Variants in TMEM123 observed in about 807,000 individuals in gnomAD.
TMEM123 encodes the protein porimin.
Under a neutral mutation model 19.7 loss-of-function variants are expected in TMEM123, and 16 were observed. The observed-to-expected ratio is 0.81, with a 90% CI of 0.55 to 1.23. The LOEUF (loss-of-function observed/expected upper bound fraction) is 1.23, where lower values mean the gene tolerates loss of function less well. Among genes scored for constraint, TMEM123 ranks in the 50% most tolerant of loss-of-function variants. The pLI, the probability that TMEM123 is intolerant of heterozygous loss-of-function variation, is 0.00. For missense variants in TMEM123, 313 were observed against 257.8 expected (o/e 1.21, Z -1.47); for synonymous variants, 118 against 99.4 (o/e 1.19, Z -1.12).
intron 2 of TMEM123, among the ~76,000 whole-genome samples, chr11:102,419,784 G>A (rs1347732409): frequency 2.0e-5 from 3 of 152,130 alleles, no homozygotes; most frequent in Non-Finnish European, 2.9e-5. Flanking sequence ...AGATGGGGTG[G>A]GTAGTTCTGC....
intron 2 of TMEM123, among the ~76,000 whole-genome samples, chr11:102,441,249 C>T (rs1323303225): frequency 6.6e-6 from 1 of 152,208 alleles, no homozygotes; most frequent in Non-Finnish European, 1.5e-5. Flanking sequence ...ACATTCTTCT[C>T]AGCACCACAT....
intron 2 of TMEM123, among the ~76,000 whole-genome samples, chr11:102,444,146 T>C (rs1486875243): frequency 1.3e-5 from 2 of 152,196 alleles, no homozygotes; most frequent in African/African-American, 4.8e-5. Flanking sequence ...TGGCGATTCC[T>C]CAAGGATCCA....
Position 102,401,689 on chromosome 11 carries a change from GT to G in TMEM123, c.451del (p.Thr151GlnfsTer25). On this transcript the variant is annotated frameshift_variant and splice_region_variant, in exon 4 of 5. Transcript: ENST00000398136. LOFTEE classifies it high-confidence loss of function. ...VTSAASSVTI[T>X]TTMHSEAKKG... ...CTTTGCTTCAGAATGCATAGTTGTTGTGACTAGAACAAAAGAAAACAAAAAA... is the reference window on the plus strand; with the variant it reads ...CTTTGCTTCAGAATGCATAGTTGTTGGACTAGAACAAAAGAAAACAAAAAA... 1 of 1,582,896 alleles carries G rather than the reference GT, an allele frequency of 6.3e-7. No individual in the cohort carries two copies. The highest frequency in any genetic ancestry group is 8.5e-7 in the Non-Finnish European group (1 of 1,172,640).
intron 2 of TMEM123, among the ~76,000 whole-genome samples, chr11:102,445,430 T>C (rs1000540183): frequency 6.6e-6 from 1 of 152,222 alleles, no homozygotes; most frequent in Non-Finnish European, 1.5e-5. Context: ...GTATCACCAT[T>C]TGCAACTAAA....
chr11:102,419,239 G>A (rs931874094), intron 2 of TMEM123, among the ~76,000 whole-genome samples: 1 of 152,176 alleles, frequency 6.6e-6, no homozygotes, highest in African/African-American at 2.4e-5. Flanking sequence ...GGTACACGTT[G>A]TACTAAAAAC....
rs767854545 is a variant in TMEM123 at position 102,402,038 on chromosome 11, G to C, written c.326C>G (p.Ser109Cys). Residue 109 changes from serine to cysteine, a missense_variant, in exon 3 of 5, where the codon TCT becomes TGT. Physicochemically the swap from Ser to Cys is moderately radical, Grantham distance 112. Coordinates refer to ENST00000398136, the MANE Select transcript of TMEM123 (RefSeq NM_052932.3). ...TPGMVSTNMT[S>C]TTLKSTPKTT... ...TTTGGGTGTAGACTTTAAGGTGGTAGAAGTCATATTTGTTGAGACCATCCC... is the reference window on the plus strand; with the variant it reads ...TTTGGGTGTAGACTTTAAGGTGGTACAAGTCATATTTGTTGAGACCATCCC... 10 of 1,613,870 alleles carry C rather than the reference G, an allele frequency of 6.2e-6. No individual in the cohort carries two copies. Among genetic ancestry groups the C allele is most frequent in the African/African-American group, 2.7e-5 (2 of 74,858 alleles).
At chr11:102,445,692 C>A (rs9971623) in intron 2 of TMEM123, among the ~76,000 whole-genome samples, 1 of 152,126 alleles carries the variant, frequency 6.6e-6, no homozygotes, top group African/African-American at 2.4e-5. Context: ...CTGTAGAAAT[C>A]TAAATGCAAG....
chr11:102,403,883 T>C (rs776008267), intron 2 of TMEM123, among the ~76,000 whole-genome samples: 6 of 152,196 alleles, frequency 3.9e-5, no homozygotes, highest in Non-Finnish European at 5.9e-5. Context: ...ATCTTTGCAG[T>C]TACCCACTTC....
intron 2 of TMEM123, among the ~76,000 whole-genome samples, chr11:102,421,750 G>T (rs1007611315): frequency 6.6e-6 from 1 of 152,132 alleles, no homozygotes. Flanking sequence ...ACTGAAGATG[G>T]CAGTAATCTG....
chr11:102,412,023 G>C (rs945162028), intron 2 of TMEM123, among the ~76,000 whole-genome samples: 1 of 152,130 alleles, frequency 6.6e-6, no homozygotes, highest in African/African-American at 2.4e-5. Context: ...TTTTATTTCT[G>C]TTGCTTTGTT....
chr11:102,407,019 C>T (rs543922778), intron 2 of TMEM123, among the ~76,000 whole-genome samples: 1 of 152,226 alleles, frequency 6.6e-6, no homozygotes, highest in Admixed American at 6.5e-5. Flanking sequence ...GCAGGAGGAT[C>T]TCCCAGGAAC....
chr11:102,451,509 T>TGGAA lies in TMEM123; in HGVS notation c.100+1014_100+1015insTTCC, dbSNP rs1379747789. Among the ~76,000 whole-genome samples, 8 of 152,366 alleles carry TGGAA rather than the reference T, an allele frequency of 5.3e-5. No individual in the cohort carries two copies. The East Asian group carries it at 1.5e-3, about 29-fold the overall frequency. ...GCCTGAACCTTCCAGATTTACAAAC[T>TGGAA]GCCTTTTTCTTTTGCTGGATAAAAC... is the stretch of plus-strand genomic sequence containing the variant. On this transcript the variant is annotated intron_variant, in intron 1 of 4. Coordinates refer to ENST00000398136, the MANE Select transcript of TMEM123 (RefSeq NM_052932.3).
intron 2 of TMEM123, among the ~76,000 whole-genome samples, chr11:102,446,665 T>A (rs549351421): frequency 6.6e-6 from 1 of 152,338 alleles, no homozygotes; most frequent in South Asian, 2.1e-4. Context: ...GATGTTAGGA[T>A]GAATAAATCA....
chr11:102,441,929 G>A (rs573306661), intron 2 of TMEM123, among the ~76,000 whole-genome samples: 15 of 152,220 alleles, frequency 9.9e-5, no homozygotes, highest in East Asian at 5.8e-4. Context: ...ACACCTCTAC[G>A]CAAATAAACT....
At chr11:102,412,531 A>G (rs900314732) in intron 2 of TMEM123, among the ~76,000 whole-genome samples, 6 of 152,230 alleles carry the variant, frequency 3.9e-5, no homozygotes, top group Non-Finnish European at 8.8e-5. Context: ...AGATATAGAA[A>G]TGCTAAAAAG....
At chr11:102,431,658 T>C (rs1487343930) in intron 2 of TMEM123, among the ~76,000 whole-genome samples, 2 of 152,202 alleles carry the variant, frequency 1.3e-5, no homozygotes, top group Non-Finnish European at 2.9e-5. Flanking sequence ...AGTATTCCAT[T>C]GTGTGTATAT....
intron 2 of TMEM123, among the ~76,000 whole-genome samples, chr11:102,445,928 A>T (rs1361580907): frequency 6.6e-6 from 1 of 152,236 alleles, no homozygotes; most frequent in African/African-American, 2.4e-5. Context: ...AATCGTAATA[A>T]ATGGAACATA....
intron 2 of TMEM123, among the ~76,000 whole-genome samples, chr11:102,440,987 G>A (rs183996705): frequency 3.3e-5 from 5 of 152,284 alleles, no homozygotes; most frequent in African/African-American, 1.2e-4. Context: ...TCAACAAGAA[G>A]AGCTAACTAT....
At chr11:102,418,011 G>T (rs1952055139) in intron 2 of TMEM123, among the ~76,000 whole-genome samples, 1 of 150,558 alleles carries the variant, frequency 6.6e-6, no homozygotes, top group African/African-American at 2.4e-5. Context: ...GAATTAAAAA[G>T]ACTTAAATGT....
Sources: gnomAD v4.1 joint callset for allele counts (sites outside exome capture counted in the v4.1 genomes callset) on GRCh38, gnomAD v4.1.1 for gene constraint, MANE v1.5 for transcripts, NCBI Gene and HGNC (gene_info 2026-07-23, HGNC 2026-07-21) for gene names.